Variants in ADORA2A observed in about 807,000 individuals in gnomAD.
ADORA2A encodes the protein adenosine receptor A2a.
Under a neutral mutation model 18.4 loss-of-function variants are expected in ADORA2A, and 11 were observed. The ratio of observed to expected loss-of-function variants is 0.60; its 90% CI spans 0.38 to 0.99. The LOEUF (loss-of-function observed/expected upper bound fraction) is 0.99, where lower values mean the gene tolerates loss of function less well. Ranked by LOEUF, ADORA2A falls within the 50% of genes least tolerant of loss-of-function variation. The pLI, the probability that ADORA2A is intolerant of heterozygous loss-of-function variation, is 0.01. For missense variants in ADORA2A, 449 were observed against 556.1 expected, an observed-to-expected ratio of 0.81 and a Z score of 1.94; for synonymous variants, 218 against 237.3, an observed-to-expected ratio of 0.92 and a Z score of 0.75.
chr22:24,425,409 G>A (rs1388289857), upstream of ADORA2A, among the ~76,000 whole-genome samples: 1 of 141,418 alleles, frequency 7.1e-6, no homozygotes, highest in African/African-American at 2.6e-5. Context: ...CCACGGCCAC[G>A]GTGTCAGTCC....
At chr22:24,423,750 C>T (rs1048274344), upstream of ADORA2A, 3 of 152,076 alleles carry the variant, frequency 2.0e-5, no homozygotes, top group Non-Finnish European at 2.9e-5. Flanking sequence ...GACAGGGACA[C>T]CTGCGGGATC....
chr22:24,431,631 C>T, intron 1 of ADORA2A: 1 of 391,872 alleles, frequency 2.6e-6, no homozygotes, highest in East Asian at 7.2e-5. Context: ...CCTCTTGTCC[C>T]CAGGCAGGTG....
At chr22:24,425,838 G>A (rs1380496808), upstream of ADORA2A, among the ~76,000 whole-genome samples, 6 of 152,234 alleles carry the variant, frequency 3.9e-5, no homozygotes, top group South Asian at 4.1e-4. Context: ...TTGCTGTCCC[G>A]GGGAATCTGA....
intron 1 of ADORA2A, chr22:24,431,359 C>T (rs1211469987): frequency 2.2e-6 from 1 of 456,468 alleles, no homozygotes; most frequent in Admixed American, 2.3e-5. Context: ...CCTCCAGTCC[C>T]AGGTATGGCT....
At chr22:24,430,531 T>C (rs1053202465) in intron 1 of ADORA2A, among the ~76,000 whole-genome samples, 3 of 152,216 alleles carry the variant, frequency 2.0e-5, no homozygotes, top group African/African-American at 7.2e-5. Flanking sequence ...CAGGGAAGCC[T>C]TGCCAAACAG....
intron 2 of ADORA2A, 124 bp from the exon 3 acceptor site, chr22:24,440,459 A>G: frequency 1.0e-6 from 1 of 961,686 alleles, no homozygotes; most frequent in Non-Finnish European, 1.5e-6. Flanking sequence ...AGGTGGCAGG[A>G]AATGACTGGT....
Position 24,427,636 on chromosome 22 carries a change from C to G in ADORA2A, c.-385C>G, listed in dbSNP as rs1176863712. 2 of 152,440 alleles carry G rather than the reference C, an allele frequency of 1.3e-5. No homozygotes were observed. Among genetic ancestry groups the G allele is most frequent in the East Asian group, 3.9e-4 (2 of 5,194 alleles). The allele number at this position is 152,440 out of a possible 1,614,324, so 9.4% of individuals were successfully genotyped here. A position where few individuals can be genotyped will look rare whatever the true frequency, so the allele number is the denominator to read the frequency against. ...GGGCCTCAGGGACTGTGACATGGAG[C>G]AGGAGCCGCCCCCAGCCAAGCTGCT... On this transcript the variant is annotated 5_prime_UTR_variant, in exon 1 of 3. Transcript: ENST00000337539.
Position 24,433,505 on chromosome 22 carries a change from A to G in ADORA2A, c.101A>G (p.Asn34Ser). 6.2e-7 allele frequency: 1 copy of G among 1,614,186 alleles called. No individual in the cohort carries two copies. The highest frequency in any genetic ancestry group is 8.5e-7 in the Non-Finnish European group (1 of 1,180,046). Residue 34 changes from asparagine (N) to serine (S), a missense_variant, in exon 2 of 3, where the codon AAC becomes AGC. Asn to Ser is a conservative substitution (Grantham distance 46). Coordinates refer to ENST00000337539, the MANE Select transcript of ADORA2A (RefSeq NM_000675.6). Reference protein sequence around the residue: ...NVLVCWAVWLNSNLQNVTNYF... With the variant: ...NVLVCWAVWLSSNLQNVTNYF... ...CTGGTGTGCTGGGCCGTGTGGCTCAACAGCAACCTGCAGAACGTCACCAAC... is the reference window on the plus strand; with the variant it reads ...CTGGTGTGCTGGGCCGTGTGGCTCAGCAGCAACCTGCAGAACGTCACCAAC...
chr22:24,436,844 G>C (rs950319215), intron 2 of ADORA2A, among the ~76,000 whole-genome samples: 4 of 152,150 alleles, frequency 2.6e-5, no homozygotes, highest in African/African-American at 7.2e-5. Context: ...GTGTCAGGAG[G>C]GGGGCAAAGC....
intron 1 of ADORA2A, chr22:24,429,721 C>G (rs2042981385): frequency 6.6e-6 from 1 of 152,542 alleles, no homozygotes. Flanking sequence ...GTTTCCTCAT[C>G]TGTAAAATGG....
chr22:24,431,523 T>C (rs1479351151), intron 1 of ADORA2A: 1 of 456,746 alleles, frequency 2.2e-6, no homozygotes, highest in South Asian at 1.5e-5. Flanking sequence ...CAGGAGTGAC[T>C]TCCTCTCCAG....
rs2043331992 is a variant in ADORA2A at position 24,441,221 on chromosome 22, T to C, written c.971T>C (p.Leu324Ser). The C allele has an allele frequency of 6.2e-7, 1 of 1,613,898 alleles. No homozygotes were observed. The highest frequency in any genetic ancestry group is 8.5e-7 in the Non-Finnish European group (1 of 1,180,032). ...FKAAGTSARV[L>S]AAHGSDGEQV... is the part of the protein sequence containing the mutation. ...GCAGCTGGCACCAGTGCCCGGGTCT[T>C]GGCAGCTCATGGCAGTGACGGAGAG... The change falls in exon 3 of 3, where the codon TTG (leucine) becomes TCG (serine). Residue 324 changes from leucine to serine, a missense_variant. By Grantham distance (145) the Leu-to-Ser change is moderately radical (BLOSUM62 -2). Coordinates refer to ENST00000337539, the MANE Select transcript of ADORA2A (RefSeq NM_000675.6).
At chr22:24,431,248 G>A (rs115664791) in intron 1 of ADORA2A, 249 of 456,786 alleles carry the variant, frequency 5.5e-4, no homozygotes, top group African/African-American at 3.9e-3. Flanking sequence ...GTTGCTGCAG[G>A]GTTTCTGGCT....
chr22:24,433,838 G>A, intron 2 of ADORA2A, 102 bp downstream of exon 2: 1 of 1,353,148 alleles, frequency 7.4e-7, no homozygotes, highest in African/African-American at 1.4e-5. Flanking sequence ...CTGGTCTGCA[G>A]TGTCAGCATG....
At chr22:24,424,318 C>CCGGCG (rs1449566138), upstream of ADORA2A, 1 of 151,432 alleles carries the variant, frequency 6.6e-6, no homozygotes, top group Non-Finnish European at 1.5e-5. The surrounding 1 kb of genome is among the most constrained non-coding windows in gnomAD (Gnocchi z 4.9). Flanking sequence ...AGTGCGGCGG[C>CCGGCG]CGGCGCGGCG....
At chr22:24,423,789 C>G (rs916957837), upstream of ADORA2A, 3 of 152,146 alleles carry the variant, frequency 2.0e-5, no homozygotes, top group Non-Finnish European at 4.4e-5. Context: ...GCGGGCCTCG[C>G]GGGCCGATGC....
At position 24,441,571 on chromosome 22, in the gene ADORA2A, G is replaced by A; in HGVS notation, c.*82G>A. 1 of 1,370,804 alleles carries A rather than the reference G, an allele frequency of 7.3e-7. No homozygotes were observed. The highest frequency in any genetic ancestry group is 9.5e-7 in the Non-Finnish European group (1 of 1,048,972). The allele number at this position is 1,370,804 out of a possible 1,614,324, so 84.9% of individuals were successfully genotyped here. On this transcript the variant is annotated 3_prime_UTR_variant, in exon 3 of 3. Coordinates refer to ENST00000337539, the MANE Select transcript of ADORA2A (RefSeq NM_000675.6). Reference sequence around the variant, plus strand: ...CTTGACCAGTCACGTTGGGAGAAGAGAGAGAGTGCCAGGAGACCCTGAGGG... The same window carrying A: ...CTTGACCAGTCACGTTGGGAGAAGAAAGAGAGTGCCAGGAGACCCTGAGGG...
chr22:24,436,569 TGA>T (rs1231518081), intron 2 of ADORA2A, among the ~76,000 whole-genome samples: 14 of 152,060 alleles, frequency 9.2e-5, no homozygotes, highest in Non-Finnish European at 1.6e-4. Context: ...GAATTCAGGG[TGA>T]GAGACACAGG....
rs200338456 is a variant in ADORA2A at position 24,431,190 on chromosome 22, G to A, written c.-274-1941G>A. 4.7e-3 allele frequency: 2,141 copies of A among 456,800 alleles called. 12 individuals are homozygous for A. The highest frequency in any genetic ancestry group is 6.2e-3 in the South Asian group (403 of 64,576). 28.3% of individuals were successfully genotyped at this position (456,800 alleles called of 1,614,324 possible). A position where few individuals can be genotyped will look rare whatever the true frequency, so the allele number is the denominator to read the frequency against. ...CTGCCTGGCAAGTGCTCCATGGAAA[G>A]CAGGGGCTTGGGAGGACTCGGCCCT... On this transcript the variant is annotated intron_variant, in intron 1 of 2. Transcript: ENST00000337539.
Sources: allele counts gnomAD v4.1 joint callset (sites outside exome capture counted in the v4.1 genomes callset), GRCh38; gene constraint gnomAD v4.1.1; non-coding constraint Gnocchi (gnomAD v3.1); transcripts MANE v1.5; gene names NCBI Gene and HGNC (gene_info 2026-07-23, HGNC 2026-07-21).